The following DCTN5 variants were observed in gnomAD, a reference collection of about 807,000 sequenced individuals.
DCTN5 encodes dynactin subunit 5.
In DCTN5, 14 loss-of-function variants were observed where a neutral mutation model predicts 23.5. The observed-to-expected ratio is 0.60, with a 90% confidence interval of 0.39 to 0.93. The LOEUF is 0.93. Among genes scored for constraint, DCTN5 ranks in the 40% least tolerant of loss-of-function variants. The pLI is 0.00. For synonymous variants in DCTN5, 67 were observed against 79.6 expected, an observed-to-expected ratio of 0.84 and a Z score of 0.84; for missense variants, 156 against 225.9, an observed-to-expected ratio of 0.69 and a Z score of 1.98.
chr16:23,673,689 C>G lies in DCTN5; in HGVS notation c.*6545C>G, dbSNP rs1192339641. Reference sequence around the variant, plus strand: ...AAATATGAAAGGTGTTAGTGGGATACAGCTTTCTAGTTTTTTGCCACTAGT... The same window carrying G: ...AAATATGAAAGGTGTTAGTGGGATAGAGCTTTCTAGTTTTTTGCCACTAGT... On this transcript the variant is annotated 3_prime_UTR_variant, in exon 6 of 6. Transcript: ENST00000300087. 6.6e-6 allele frequency: 1 copy of G among 152,150 alleles called. No homozygotes were observed. Among genetic ancestry groups the G allele is most frequent in the Non-Finnish European group, 1.5e-5 (1 of 68,036 alleles). The allele number at this position is 152,150 out of a possible 1,614,324, so 9.4% of individuals were successfully genotyped here.
intron 4 of DCTN5, among the ~76,000 whole-genome samples, chr16:23,661,872 G>T (rs771021465): frequency 2.0e-5 from 3 of 151,934 alleles, no homozygotes; most frequent in Non-Finnish European, 2.9e-5. Flanking sequence ...ATTCAGATGT[G>T]TTAGGTGTTA....
At chr16:23,666,446 T>A (rs1234596839) in intron 5 of DCTN5, 1 of 153,444 alleles carries the variant, frequency 6.5e-6, no homozygotes, top group Non-Finnish European at 1.4e-5. Context: ...ATTATAAAGC[T>A]TGAGGAAACA....
intron 5 of DCTN5, chr16:23,666,751 A>G (rs746419585): frequency 1.1e-4 from 52 of 478,770 alleles, no homozygotes; most frequent in Middle Eastern, 5.5e-4. Flanking sequence ...TCTAAGATGA[A>G]CAAAATCATC....
intron 5 of DCTN5, 92 bp downstream of exon 5, chr16:23,665,820 G>A: frequency 9.5e-7 from 1 of 1,051,932 alleles, no homozygotes; most frequent in Non-Finnish European, 1.4e-6. Context: ...TCCTATCTCT[G>A]GCAATATGTT....
At chr16:23,665,447 A>G (rs1967888402) in intron 4 of DCTN5, among the ~76,000 whole-genome samples, 179 bp from the exon 5 acceptor site, 1 of 152,208 alleles carries the variant, frequency 6.6e-6, no homozygotes, top group Non-Finnish European at 1.5e-5. Context: ...GTACACAAAC[A>G]CACACTCTCA....
At chr16:23,665,806 C>T (rs180765103) in intron 5 of DCTN5, 78 bp downstream of exon 5, 192 of 1,178,110 alleles carry the variant, frequency 1.6e-4, no homozygotes, top group Admixed American at 4.0e-4. Context: ...GTAATGCTTA[C>T]GATTCCTATC....
intron 2 of DCTN5, among the ~76,000 whole-genome samples, chr16:23,655,653 C>T (rs1245034804): frequency 1.3e-5 from 2 of 151,992 alleles, no homozygotes; most frequent in African/African-American, 4.8e-5. Context: ...CAGACAATCC[C>T]CCCACCGCAG....
At chr16:23,661,611 G>T (rs1420783681) in intron 4 of DCTN5, among the ~76,000 whole-genome samples, 1 of 152,102 alleles carries the variant, frequency 6.6e-6, no homozygotes, top group South Asian at 2.1e-4. Flanking sequence ...CCAGCTACTC[G>T]GGAGGCTGAG....
At chr16:23,662,935 A>G (rs745402654) in intron 4 of DCTN5, among the ~76,000 whole-genome samples, 15 of 152,188 alleles carry the variant, frequency 9.9e-5, no homozygotes, top group Admixed American at 3.9e-4. Flanking sequence ...TTTTTATGCC[A>G]CTTTTTAATA....
In DCTN5 at chr16:23,676,606, G is replaced by A. The variant is rs1212812544; in HGVS notation, c.*9462G>A. The A allele has an allele frequency of 2.0e-5, 3 of 152,152 alleles. No homozygotes were observed. The highest frequency in any genetic ancestry group is 4.4e-5 in the Non-Finnish European group (3 of 68,064). 9.4% of individuals were successfully genotyped at this position (152,152 alleles called of 1,614,324 possible). A position where few individuals can be genotyped will look rare whatever the true frequency, so the allele number is the denominator to read the frequency against. On this transcript the variant is annotated 3_prime_UTR_variant, in exon 6 of 6. Transcript: ENST00000300087. The stretch of plus-strand genomic sequence containing the variant: ...AGGAGGAAGCCACCTGGCTTCCTAA[G>A]ATAGACTTTATGGTTAATGGGATTT...
intron 2 of DCTN5, among the ~76,000 whole-genome samples, chr16:23,651,306 C>T (rs916992388): frequency 1.3e-5 from 2 of 152,130 alleles, no homozygotes; most frequent in African/African-American, 2.4e-5. Flanking sequence ...TTTAACACCC[C>T]GTTACCTCTG....
intron 4 of DCTN5, 119 bp from the exon 5 acceptor site, chr16:23,665,507 C>G: frequency 1.1e-6 from 1 of 924,502 alleles, no homozygotes; most frequent in Non-Finnish European, 1.6e-6. Flanking sequence ...CAGGAAGTTG[C>G]AACCAACCCT....
chr16:23,658,854 C>G (rs1167985972), intron 3 of DCTN5, among the ~76,000 whole-genome samples: 1 of 152,164 alleles, frequency 6.6e-6, no homozygotes, highest in Non-Finnish European at 1.5e-5. Context: ...GATTTCTGAT[C>G]AAACAGACTG....
At chr16:23,650,173 T>G (rs1967569320) in intron 2 of DCTN5, among the ~76,000 whole-genome samples, 1 of 152,186 alleles carries the variant, frequency 6.6e-6, no homozygotes, top group African/African-American at 2.4e-5. Flanking sequence ...TCAGGATTAC[T>G]TTGGCTATTC....
intron 2 of DCTN5, among the ~76,000 whole-genome samples, chr16:23,643,575 G>A (rs1466576634): frequency 6.6e-6 from 1 of 152,056 alleles, no homozygotes; most frequent in African/African-American, 2.4e-5. Context: ...ACAAAATACA[G>A]TGGTACCTAG....
At chr16:23,646,216 T>G (rs948458848) in intron 2 of DCTN5, among the ~76,000 whole-genome samples, 1 of 152,204 alleles carries the variant, frequency 6.6e-6, no homozygotes, top group Non-Finnish European at 1.5e-5. Context: ...TGTTGCTTGT[T>G]GGTCATCTGT....
intron 4 of DCTN5, among the ~76,000 whole-genome samples, chr16:23,664,419 A>C (rs1052349470): frequency 6.6e-6 from 1 of 152,208 alleles, no homozygotes. Flanking sequence ...AACACAAGCA[A>C]ATCAATCATG....
At chr16:23,642,608 G>T (rs763223808) in intron 1 of DCTN5, 2 of 192,190 alleles carry the variant, frequency 1.0e-5, no homozygotes, top group Non-Finnish European at 2.2e-5. Flanking sequence ...TCAGCCTTCT[G>T]AGGAGCTGGG....
Position 23,671,634 on chromosome 16 carries a change from C to T in DCTN5, c.*4490C>T, listed in dbSNP as rs1968009328. On this transcript the variant is annotated 3_prime_UTR_variant, in exon 6 of 6. Transcript: ENST00000300087. ...GAGCTGGAATCAAGGCCAGCTCTTA[C>T]TTGGCTGCAAAATCCATGTTTTATG... 2 of 152,222 alleles carry T rather than the reference C, an allele frequency of 1.3e-5. No individual in the cohort carries two copies. The highest frequency in any genetic ancestry group is 1.3e-4 in the Admixed American group (2 of 15,272). 9.4% of individuals were successfully genotyped at this position (152,222 alleles called of 1,614,324 possible).
Sources: allele counts gnomAD v4.1 joint callset (sites outside exome capture counted in the v4.1 genomes callset), GRCh38; gene constraint gnomAD v4.1.1; transcripts MANE v1.5; gene names NCBI Gene and HGNC (gene_info 2026-07-23, HGNC 2026-07-21).